Variants in CCDC158 observed in about 807,000 individuals in gnomAD.
The protein encoded by CCDC158 is coiled-coil domain containing 158.
CCDC158 carries 116 observed loss-of-function variants against 138.6 expected under a neutral mutation model. That is an observed-to-expected ratio of 0.84 (90% CI 0.72 to 0.98). The LOEUF (loss-of-function observed/expected upper bound fraction) is 0.98, where lower values mean the gene tolerates loss of function less well. CCDC158 is among the 50% of genes least tolerant of loss of function. The pLI, the probability that CCDC158 is intolerant of heterozygous loss-of-function variation, is 0.00. For synonymous variants in CCDC158, 436 were observed against 442.4 expected (o/e 0.99, Z 0.18); for missense variants, 1,265 against 1,306.1 (o/e 0.97, Z 0.48).
intron 19 of CCDC158, among the ~76,000 whole-genome samples, chr4:76,333,571 A>T (rs980205300): frequency 2.0e-5 from 3 of 152,184 alleles, no homozygotes; most frequent in Non-Finnish European, 4.4e-5. Context: ...ATTTCCTATT[A>T]TCTCCTACTT....
At chr4:76,328,154 T>A (rs1338650354) in intron 22 of CCDC158, among the ~76,000 whole-genome samples, 6 of 152,270 alleles carry the variant, frequency 3.9e-5, no homozygotes, top group African/African-American at 1.4e-4. Flanking sequence ...TGGAGCTTTT[T>A]AATTTTTAAT....
intron 18 of CCDC158, among the ~76,000 whole-genome samples, chr4:76,346,985 C>T (rs911228107): frequency 1.3e-5 from 2 of 152,092 alleles, no homozygotes; most frequent in African/African-American, 4.8e-5. Flanking sequence ...GAGATACCAT[C>T]TCATGCCAGT....
chr4:76,401,287 T>G, intron 3 of CCDC158: 1 of 483,744 alleles, frequency 2.1e-6, no homozygotes, highest in Non-Finnish European at 4.1e-6. Context: ...AGACTTTCTA[T>G]AAAAAGTGTG....
chr4:76,396,370 A>G lies in CCDC158; in HGVS notation c.187T>C (p.Ser63Pro). Residue 63 changes from serine (S) to proline (P), a missense_variant, in exon 4 of 25, where the codon TCT becomes CCT. Physicochemically the swap from Ser to Pro is moderately conservative, Grantham distance 74. Coordinates refer to ENST00000682701, the MANE Select transcript of CCDC158 (RefSeq NM_001394954.1). Reference protein sequence around the residue: ...FFPKYEVELDSPRKIIPSPGK... With the variant: ...FFPKYEVELDPPRKIIPSPGK... ...GGAGATGGGATGATTTTTCTAGGAG[A>G]ATCAAGTTCCACTTCATATTTAGGG... 1 of 1,613,736 alleles carries G rather than the reference A, an allele frequency of 6.2e-7. No individual in the cohort carries two copies. Among genetic ancestry groups the G allele is most frequent in the Non-Finnish European group, 8.5e-7 (1 of 1,179,678 alleles).
rs778173692 is a variant in CCDC158 at position 76,334,092 on chromosome 4, C to T, written c.2740G>A (p.Val914Met). 1.2e-5 allele frequency: 20 copies of T among 1,613,718 alleles called. No individual in the cohort carries two copies. The highest frequency in any genetic ancestry group is 5.0e-5 in the Admixed American group (3 of 59,994). ...GACACAGCTGGCTCCTCATTGATCA[C>T]GCTTCTCAACTCTTGGAGAAGCTGT... is the stretch of plus-strand genomic sequence containing the variant. ...LKQLLQELRS[V>M]INEEPAVSLS... Residue 914 changes from valine to methionine, a missense_variant, in exon 19 of 25, where the codon GTG becomes ATG. Coordinates refer to ENST00000682701, the MANE Select transcript of CCDC158 (RefSeq NM_001394954.1).
At chr4:76,401,252 T>C in intron 3 of CCDC158, 1 of 437,494 alleles carries the variant, frequency 2.3e-6, no homozygotes, top group South Asian at 1.8e-5. Flanking sequence ...CCCACAAGCA[T>C]GGTGAATGTT....
At chr4:76,316,689 G>T (rs1321534029) in intron 24 of CCDC158, among the ~76,000 whole-genome samples, 4 of 152,042 alleles carry the variant, frequency 2.6e-5, no homozygotes, top group Non-Finnish European at 4.4e-5. Context: ...ATGATGGAAA[G>T]AATCTTAAGA....
intron 13 of CCDC158, 44 bp downstream of exon 13, chr4:76,362,082 T>C (rs1560425051): frequency 6.4e-7 from 1 of 1,564,632 alleles, no homozygotes; most frequent in East Asian, 2.2e-5. Flanking sequence ...GCTTCACTGC[T>C]AAGACTCTTA....
chr4:76,320,231 A>T (rs1211415805), intron 24 of CCDC158, among the ~76,000 whole-genome samples: 1 of 152,186 alleles, frequency 6.6e-6, no homozygotes, highest in African/African-American at 2.4e-5. Flanking sequence ...AATATACCTA[A>T]CCAAGGAGAT....
intron 4 of CCDC158, among the ~76,000 whole-genome samples, chr4:76,392,930 G>A (rs746591858): frequency 6.6e-6 from 1 of 151,904 alleles, no homozygotes; most frequent in African/African-American, 2.4e-5. Flanking sequence ...AACCAAAGAA[G>A]TGAAAGACCT....
chr4:76,415,120 A>G (rs1263928007), intron 1 of CCDC158, among the ~76,000 whole-genome samples: 2 of 152,144 alleles, frequency 1.3e-5, no homozygotes, highest in East Asian at 3.9e-4. Context: ...CTTGTTGGGA[A>G]CTAGAGTAAA....
chr4:76,369,273 G>C (rs1400178944), intron 11 of CCDC158, among the ~76,000 whole-genome samples, 153 bp downstream of exon 11: 2 of 152,160 alleles, frequency 1.3e-5, no homozygotes, highest in East Asian at 3.9e-4. Flanking sequence ...TAAGTATCAG[G>C]TTTTCATAAA....
chr4:76,349,977 G>A (rs1392223469), intron 18 of CCDC158, among the ~76,000 whole-genome samples: 1 of 152,176 alleles, frequency 6.6e-6, no homozygotes, highest in Admixed American at 6.5e-5. Flanking sequence ...TGGTTCCAAT[G>A]ACTCCTGGTC....
chr4:76,408,189 TA>T (rs1316778207), intron 2 of CCDC158, among the ~76,000 whole-genome samples: 7 of 149,386 alleles, frequency 4.7e-5, no homozygotes, highest in African/African-American at 1.7e-4. Flanking sequence ...TATATATATA[TA>T]TATTTTTTTA....
At chr4:76,394,925 T>C (rs1228911970) in intron 4 of CCDC158, among the ~76,000 whole-genome samples, 1 of 152,062 alleles carries the variant, frequency 6.6e-6, no homozygotes, top group African/African-American at 2.4e-5. Flanking sequence ...ACTTGGAGTG[T>C]CCTGGGTCAA....
At chr4:76,354,037 T>G (rs963888417) in intron 15 of CCDC158, among the ~76,000 whole-genome samples, 5 of 152,116 alleles carry the variant, frequency 3.3e-5, no homozygotes, top group Admixed American at 6.5e-5. Context: ...CTGAGTAGAT[T>G]AGGCAGAAAA....
At chr4:76,370,837 C>T (rs1725164042) in intron 10 of CCDC158, among the ~76,000 whole-genome samples, 1 of 152,188 alleles carries the variant, frequency 6.6e-6, no homozygotes, top group Non-Finnish European at 1.5e-5. Flanking sequence ...AAACCCTTGT[C>T]AGCCTGCAAA....
chr4:76,344,595 G>C, intron 18 of CCDC158: 1 of 1,319,090 alleles, frequency 7.6e-7, no homozygotes, highest in East Asian at 2.3e-5. Flanking sequence ...CTCGCTTCAG[G>C]TTGACATACC....
chr4:76,370,554 T>A (rs1168967292), intron 10 of CCDC158, among the ~76,000 whole-genome samples: 4 of 151,044 alleles, frequency 2.6e-5, no homozygotes, highest in Non-Finnish European at 4.4e-5. Flanking sequence ...CAGGAAGGAG[T>A]GAAGAGGAGA....
Sources: gnomAD v4.1 joint callset for allele counts (sites outside exome capture counted in the v4.1 genomes callset) on GRCh38, gnomAD v4.1.1 for gene constraint, MANE v1.5 for transcripts, NCBI Gene and HGNC (gene_info 2026-07-23, HGNC 2026-07-21) for gene names.